The following ASPH variants were observed in gnomAD, a reference collection of about 807,000 sequenced individuals.
ASPH encodes aspartyl/asparaginyl beta-hydroxylase.
Under a neutral mutation model 118.4 loss-of-function variants are expected in ASPH, and 100 were observed. That is an observed-to-expected ratio of 0.84 (90% CI 0.72 to 1.00). The LOEUF is 1.00. Ranked by LOEUF, ASPH falls within the 50% of genes least tolerant of loss-of-function variation. The pLI, the probability that ASPH is intolerant of heterozygous loss-of-function variation, is 0.00. For synonymous variants in ASPH, 315 were observed against 325.6 expected (o/e 0.97, Z 0.35); for missense variants, 920 against 919.5 (o/e 1.00, Z -0.01).
intron 3 of ASPH, 56 bp from the exon 4 acceptor site, chr8:61,653,716 T>C (rs1168476706): frequency 6.0e-6 from 9 of 1,509,694 alleles, no homozygotes; most frequent in Non-Finnish European, 6.3e-6. Flanking sequence ...TTCTGTCACA[T>C]TAAACCAGGA....
At chr8:61,587,223 GACTGAAAAA>G (rs1344102007) in intron 14 of ASPH, among the ~76,000 whole-genome samples, 1 of 152,180 alleles carries the variant, frequency 6.6e-6, no homozygotes, top group African/African-American at 2.4e-5. Flanking sequence ...CTAAGGCAGA[GACTGAAAAA>G]ACAGTGAATA....
chr8:61,642,981 T>A, intron 9 of ASPH, 61 bp from the exon 10 acceptor site: 2 of 1,433,264 alleles, frequency 1.4e-6, no homozygotes, highest in East Asian at 4.8e-5. Flanking sequence ...TATACAATTG[T>A]TCAGTTAAAA....
At chr8:61,672,729 CA>C (rs1168632191) in intron 3 of ASPH, among the ~76,000 whole-genome samples, 2 of 152,180 alleles carry the variant, frequency 1.3e-5, no homozygotes, top group African/African-American at 4.8e-5. Flanking sequence ...CTAAGTATTA[CA>C]GGGTCATCTC....
intron 21 of ASPH, among the ~76,000 whole-genome samples, chr8:61,529,532 T>C (rs1816784697): frequency 6.6e-6 from 1 of 152,146 alleles, no homozygotes; most frequent in Admixed American, 6.5e-5. Context: ...TTAGGGGCAC[T>C]GGGGGGAAAT....
Position 61,684,303 on chromosome 8 carries a change from AAC to A in ASPH, c.104-117_104-116del, listed in dbSNP as rs373568067. 1.6e-4 allele frequency: 177 copies of A among 1,141,278 alleles called. No homozygotes were observed. In the East Asian group the frequency reaches 3.0e-3, roughly 19 times the overall value. The allele number at this position is 1,141,278 out of a possible 1,614,324, so 70.7% of individuals were successfully genotyped here. A position where few individuals can be genotyped will look rare whatever the true frequency, so the allele number is the denominator to read the frequency against. ...ATGTACAATGATAGATCATTTCAAA[AAC>A]AGTTTCCAGTTAAATTCTCAAAACA... On this transcript the variant is annotated intron_variant, in intron 1 of 24. Transcript: ENST00000379454.
chr8:61,560,801 T>C (rs1371415368), intron 18 of ASPH, among the ~76,000 whole-genome samples: 1 of 151,930 alleles, frequency 6.6e-6, no homozygotes, highest in Non-Finnish European at 1.5e-5. Context: ...AAGGGAGGTT[T>C]TAAAAAGGTG....
chr8:61,581,154 AG>A (rs1837394575), intron 15 of ASPH, among the ~76,000 whole-genome samples: 1 of 152,238 alleles, frequency 6.6e-6, no homozygotes, highest in East Asian at 1.9e-4. Flanking sequence ...TGCAAGACAG[AG>A]GCTCTGTGAC....
intron 3 of ASPH, chr8:61,675,216 T>A: frequency 1.4e-6 from 1 of 701,904 alleles, no homozygotes; most frequent in African/African-American, 1.9e-5. Flanking sequence ...AAAATCAATA[T>A]CCAATTAATA....
intron 14 of ASPH, among the ~76,000 whole-genome samples, chr8:61,590,796 T>C (rs552962834): frequency 1.3e-5 from 2 of 152,308 alleles, no homozygotes; most frequent in Non-Finnish European, 2.9e-5. Context: ...GTTTTTCTCA[T>C]GGTGTTTTAT....
At chr8:61,607,341 C>T (rs1055028978) in intron 14 of ASPH, 14 of 698,360 alleles carry the variant, frequency 2.0e-5, no homozygotes, top group Admixed American at 6.1e-5. Context: ...GAAAGTGTGT[C>T]GGAATATATA....
intron 1 of ASPH, among the ~76,000 whole-genome samples, chr8:61,712,240 C>T (rs1431554602): frequency 6.6e-6 from 1 of 152,136 alleles, no homozygotes; most frequent in Non-Finnish European, 1.5e-5. Flanking sequence ...GCACAACGTC[C>T]GTACTTTAAT....
At chr8:61,553,199 T>G in intron 19 of ASPH, 79 bp from the exon 20 acceptor site, 1 of 1,125,804 alleles carries the variant, frequency 8.9e-7, no homozygotes, top group Non-Finnish European at 1.3e-6. Context: ...GCTTTTCTTA[T>G]GGCACATCGT....
At chr8:61,670,733 C>A (rs1822034860) in intron 3 of ASPH, among the ~76,000 whole-genome samples, 1 of 150,856 alleles carries the variant, frequency 6.6e-6, no homozygotes, top group Non-Finnish European at 1.5e-5. Flanking sequence ...AAAGGGCTAG[C>A]TTTGGAAACC....
At chr8:61,674,474 A>C (rs751986913) in intron 3 of ASPH, among the ~76,000 whole-genome samples, 6 of 152,242 alleles carry the variant, frequency 3.9e-5, no homozygotes, top group Non-Finnish European at 7.3e-5. Flanking sequence ...AGTGCAGGCA[A>C]GACAAACAAG....
At chr8:61,603,418 T>C (rs565449944) in intron 14 of ASPH, among the ~76,000 whole-genome samples, 1 of 152,242 alleles carries the variant, frequency 6.6e-6, no homozygotes, top group African/African-American at 2.4e-5. Context: ...GAGATATTAA[T>C]GTCTATTAAT....
intron 3 of ASPH, chr8:61,664,001 T>G (rs1818242581): frequency 1.1e-6 from 1 of 874,898 alleles, no homozygotes; most frequent in East Asian, 1.2e-4. Flanking sequence ...TTTTAAAAAA[T>G]AAAATCTTAG....
intron 13 of ASPH, among the ~76,000 whole-genome samples, chr8:61,630,374 G>C (rs1855026066): frequency 6.6e-6 from 1 of 152,110 alleles, no homozygotes; most frequent in Non-Finnish European, 1.5e-5. Context: ...TGCAAAATTA[G>C]ACTGTGCAAA....
chr8:61,503,697 T>A (rs1329571339), intron 24 of ASPH, among the ~76,000 whole-genome samples, 188 bp from the exon 25 acceptor site: 1 of 152,260 alleles, frequency 6.6e-6, no homozygotes, highest in Non-Finnish European at 1.5e-5. Context: ...AATCTTGCTA[T>A]GAACATCAGT....
intron 21 of ASPH, among the ~76,000 whole-genome samples, chr8:61,540,872 C>T (rs1351712694): frequency 1.3e-5 from 2 of 151,956 alleles, no homozygotes; most frequent in South Asian, 2.1e-4. Context: ...GTGGGTGGAT[C>T]GCTTGAGCTC....
Sources: gnomAD v4.1 joint callset for allele counts (sites outside exome capture counted in the v4.1 genomes callset) on GRCh38, gnomAD v4.1.1 for gene constraint, MANE v1.5 for transcripts, NCBI Gene and HGNC (gene_info 2026-07-23, HGNC 2026-07-21) for gene names.